Variants in PTPRD observed in about 807,000 individuals in gnomAD.
PTPRD encodes the protein receptor-type tyrosine-protein phosphatase delta.
A neutral mutation model predicts 214.5 loss-of-function variants in PTPRD; 34 were observed. That is an observed-to-expected ratio of 0.16 (90% confidence interval 0.12 to 0.21). PTPRD has a LOEUF of 0.21. PTPRD is among the 10% of genes least tolerant of loss of function. The pLI, the probability that PTPRD is intolerant of heterozygous loss-of-function variation, is 1.00. For synonymous variants in PTPRD, 1,128 were observed against 845.7 expected, an observed-to-expected ratio of 1.33 and a Z score of -5.79; for missense variants, 2,545 against 2,398.7, an observed-to-expected ratio of 1.06 and a Z score of -1.27.
At chr9:8,789,965 C>T (rs1349696984) in intron 11 of PTPRD, among the ~76,000 whole-genome samples, 1 of 152,130 alleles carries the variant, frequency 6.6e-6, no homozygotes, top group African/African-American at 2.4e-5. Flanking sequence ...CCTTCTAATA[C>T]ACTATACAAT....
At chr9:8,974,947 A>T (rs2099259986) in intron 11 of PTPRD, among the ~76,000 whole-genome samples, 1 of 151,554 alleles carries the variant, frequency 6.6e-6, no homozygotes, top group African/African-American at 2.4e-5. Flanking sequence ...AAATATAAAA[A>T]TTACCTAGGT....
intron 3 of PTPRD, among the ~76,000 whole-genome samples, chr9:10,183,226 T>C (rs923219773): frequency 1.3e-5 from 2 of 152,102 alleles, no homozygotes; most frequent in Non-Finnish European, 2.9e-5. Context: ...GGAGAGGAGA[T>C]ATACTAAATA....
chr9:10,048,616 C>A (rs983863376), intron 3 of PTPRD, among the ~76,000 whole-genome samples: 2 of 151,996 alleles, frequency 1.3e-5, no homozygotes, highest in East Asian at 3.9e-4. Context: ...ACTCTAGAAA[C>A]TGCTGGGGGA....
At chr9:9,389,281 C>T (rs1377615988) in intron 9 of PTPRD, among the ~76,000 whole-genome samples, 1 of 152,140 alleles carries the variant, frequency 6.6e-6, no homozygotes, top group Non-Finnish European at 1.5e-5. Flanking sequence ...GAGGCCGAGG[C>T]AGGTGGATCA....
chr9:10,351,858 A>T (rs2097189085), intron 2 of PTPRD, among the ~76,000 whole-genome samples: 1 of 152,084 alleles, frequency 6.6e-6, no homozygotes, highest in Non-Finnish European at 1.5e-5. Flanking sequence ...GTACTTTGAT[A>T]GTGAAAGGGG....
chr9:8,328,775 T>G (rs906744691), intron 44 of PTPRD, among the ~76,000 whole-genome samples: 4 of 152,138 alleles, frequency 2.6e-5, no homozygotes, highest in African/African-American at 7.2e-5. Flanking sequence ...TTTCATTGAG[T>G]TGATCTTCAA....
intron 3 of PTPRD, among the ~76,000 whole-genome samples, chr9:10,301,632 T>A (rs775738711): frequency 2.0e-5 from 3 of 151,874 alleles, no homozygotes; most frequent in African/African-American, 4.8e-5. Context: ...TACACAAGTA[T>A]CAATAGCCAA....
chr9:8,759,502 A>G lies in PTPRD; in HGVS notation c.-103-25556T>C, dbSNP rs539144673. On this transcript the variant is annotated intron_variant, in intron 11 of 45. Coordinates refer to ENST00000381196, the MANE Select transcript of PTPRD (RefSeq NM_002839.4). ...TCTTCTGAATCCTGTGAGACCTGACAATACACTGACTTTACATAATAATTT... is the reference window on the plus strand; with the variant it reads ...TCTTCTGAATCCTGTGAGACCTGACGATACACTGACTTTACATAATAATTT... Among the ~76,000 whole-genome samples the G allele has an allele frequency of 2.6e-5, 4 of 152,306 alleles. No homozygotes were observed. The South Asian group carries it at 6.2e-4, about 24-fold the overall frequency.
At chr9:9,131,673 TATC>T (rs753433309) in intron 10 of PTPRD, among the ~76,000 whole-genome samples, 11 of 152,172 alleles carry the variant, frequency 7.2e-5, no homozygotes, top group Admixed American at 2.6e-4. Flanking sequence ...TTAATTGAAA[TATC>T]AGTATATGCC....
chr9:8,333,030 G>A (rs1843023285), intron 43 of PTPRD, among the ~76,000 whole-genome samples: 1 of 152,174 alleles, frequency 6.6e-6, no homozygotes. Flanking sequence ...TGTGAGATGA[G>A]CACTCATCAC....
chr9:9,310,661 T>A (rs1039448964), intron 9 of PTPRD, among the ~76,000 whole-genome samples: 3 of 152,134 alleles, frequency 2.0e-5, no homozygotes, highest in Non-Finnish European at 4.4e-5. Flanking sequence ...CTCGCGCCTG[T>A]AATCCCAGCA....
chr9:9,183,720 C>T (rs2099929625), intron 9 of PTPRD, among the ~76,000 whole-genome samples: 1 of 152,106 alleles, frequency 6.6e-6, no homozygotes, highest in South Asian at 2.1e-4. Flanking sequence ...TTGCATCCTA[C>T]AATTACATAA....
At chr9:9,638,746 C>A (rs1333784169) in intron 7 of PTPRD, among the ~76,000 whole-genome samples, 3 of 152,160 alleles carry the variant, frequency 2.0e-5, no homozygotes, top group African/African-American at 4.8e-5. Context: ...GTTTGTGCTA[C>A]TATAACAGAT....
chr9:8,350,817 C>T (rs1047566069), intron 39 of PTPRD, among the ~76,000 whole-genome samples: 18 of 152,150 alleles, frequency 1.2e-4, no homozygotes, highest in South Asian at 6.2e-4. Context: ...GTCATTGATA[C>T]GCAGTCAAAT....
chr9:9,822,544 C>T (rs1268230457), intron 5 of PTPRD, among the ~76,000 whole-genome samples: 1 of 147,652 alleles, frequency 6.8e-6, no homozygotes, highest in Non-Finnish European at 1.5e-5. Flanking sequence ...GTTAAAATAA[C>T]CAACTACAAA....
At chr9:8,972,561 A>G (rs992204869) in intron 11 of PTPRD, among the ~76,000 whole-genome samples, 2 of 151,866 alleles carry the variant, frequency 1.3e-5, no homozygotes, top group Non-Finnish European at 2.9e-5. Context: ...ATGAAAGAAA[A>G]GAACAAATTA....
At chr9:10,193,052 C>A (rs1397300576) in intron 3 of PTPRD, among the ~76,000 whole-genome samples, 1 of 152,006 alleles carries the variant, frequency 6.6e-6, no homozygotes, top group Admixed American at 6.6e-5. Flanking sequence ...AATTTTGTTT[C>A]TTCTTCAGCA....
At position 10,536,821 on chromosome 9, in the gene PTPRD, G is replaced by A. The variant is rs190363296; in HGVS notation, c.-600+75577C>T. ...CTCTTCTTCTACCTGAGGTTTGAAT[G>A]TAACCATTGGATCATGCCCTATTTC... is the stretch of plus-strand genomic sequence containing the variant. On this transcript the variant is annotated intron_variant, in intron 2 of 45. Coordinates refer to ENST00000381196, the MANE Select transcript of PTPRD (RefSeq NM_002839.4). 6.8e-4 allele frequency among the ~76,000 whole-genome samples: 104 copies of A among 152,246 alleles called. 1 individual carries two copies. Among genetic ancestry groups the A allele is most frequent in the African/African-American group, 2.4e-3 (98 of 41,560 alleles).
Position 9,654,992 on chromosome 9 carries a change from C to CAT in PTPRD, c.-287+79539_-287+79540dup, listed in dbSNP as rs377187243. On this transcript the variant is annotated intron_variant, in intron 7 of 45. Transcript: ENST00000381196. ...TACACAAATATTTTTTAAACTGAAG[C>CAT]ATATATATATATAGATATAGATATA... 5.7e-3 allele frequency among the ~76,000 whole-genome samples: 835 copies of CAT among 145,812 alleles called. 28 individuals are homozygous for CAT. The highest frequency in any genetic ancestry group is 0.038 in the Admixed American group (565 of 14,714).
Sources: gnomAD v4.1 joint callset for allele counts (sites outside exome capture counted in the v4.1 genomes callset) on GRCh38, gnomAD v4.1.1 for gene constraint, MANE v1.5 for transcripts, NCBI Gene and HGNC (gene_info 2026-07-23, HGNC 2026-07-21) for gene names.